The following PCDH11X variants were observed in gnomAD, a reference collection of about 807,000 sequenced individuals.
PCDH11X encodes the protein protocadherin 11 X-linked, also known as protocadherin-11 X-linked.
PCDH11X carries 18 observed loss-of-function variants against 53.3 expected under a neutral mutation model. That is an observed-to-expected ratio of 0.34 (90% confidence interval 0.23 to 0.50). The LOEUF is 0.50. Ranked by LOEUF, PCDH11X falls within the 20% of genes least tolerant of loss-of-function variation. PCDH11X has a pLI of 0.98. For missense variants in PCDH11X, 570 were observed against 1,032.4 expected (o/e 0.55, Z 6.14); for synonymous variants, 279 against 393.3 (o/e 0.71, Z 3.44).
chrX:92,295,716 A>C (rs2068590844), intron 8 of PCDH11X, among the ~76,000 whole-genome samples: 1 of 87,371 alleles, frequency 1.1e-5, no homozygotes, highest in Non-Finnish European at 2.3e-5. Flanking sequence ...CCATAAAAGC[A>C]TGCTGGATTT....
intron 10 of PCDH11X, among the ~76,000 whole-genome samples, chrX:92,550,786 G>T (rs2074940206): frequency 9.1e-6 from 1 of 109,420 alleles, no homozygotes; most frequent in Non-Finnish European, 1.9e-5. Flanking sequence ...CTATTTCCAT[G>T]AGTTCAGTTG....
intron 4 of PCDH11X, chrX:91,835,017 A>G (rs1185940531): frequency 1.4e-6 from 1 of 712,327 alleles, no homozygotes; most frequent in South Asian, 5.2e-5. Context: ...ACTACTGTAT[A>G]AATTATTCAT....
chrX:91,843,149 G>A (rs1937550580), intron 5 of PCDH11X, among the ~76,000 whole-genome samples: 1 of 105,196 alleles, frequency 9.5e-6, no homozygotes, highest in African/African-American at 3.4e-5. Context: ...AAATGTGTTT[G>A]GAAAACAGTC....
chrX:91,899,478 A>G (rs1180533835), intron 6 of PCDH11X, among the ~76,000 whole-genome samples: 2 of 110,958 alleles, frequency 1.8e-5, no homozygotes, highest in Admixed American at 1.9e-4. Flanking sequence ...CACATGCAGG[A>G]ACAATACTTT....
chrX:92,175,049 C>T lies in PCDH11X; in HGVS notation c.3034-26326C>T, dbSNP rs186991654. Among the ~76,000 whole-genome samples, 750 of 110,590 alleles carry T rather than the reference C, an allele frequency of 6.8e-3. 6 individuals are homozygous for T. The highest frequency in any genetic ancestry group is 0.024 in the African/African-American group (728 of 30,457). ...TGAGTGCAGTGGCGCCATCTTGGCT[C>T]GCCACAACCTCTGCCTCCTGGGTTC... On this transcript the variant is annotated intron_variant, in intron 6 of 10. Transcript: ENST00000682573.
intron 5 of PCDH11X, among the ~76,000 whole-genome samples, chrX:91,868,268 CA>C (rs1939098030): frequency 8.9e-6 from 1 of 111,837 alleles, no homozygotes; most frequent in Non-Finnish European, 1.9e-5. Flanking sequence ...TACCCATTTC[CA>C]AAAGAATGTG....
chrX:91,818,012 A>G (rs1936508869), intron 4 of PCDH11X, among the ~76,000 whole-genome samples: 1 of 111,772 alleles, frequency 8.9e-6, no homozygotes, highest in Non-Finnish European at 1.9e-5. Flanking sequence ...TCTATTAAGG[A>G]GTTGGATATC....
chrX:92,400,657 CT>C (rs754569914), intron 9 of PCDH11X, among the ~76,000 whole-genome samples: 230 of 101,817 alleles, frequency 2.3e-3, no homozygotes, highest in African/African-American at 7.8e-3. Context: ...AGTTTTATTT[CT>C]TTTTTTTATC....
intron 6 of PCDH11X, among the ~76,000 whole-genome samples, chrX:92,147,802 T>TCTTC (rs200119243): frequency 3.8e-4 from 32 of 84,715 alleles, no homozygotes; most frequent in Admixed American, 4.9e-4. Context: ...TCCTTTCTTT[T>TCTTC]CTTCCTTCCT....
intron 6 of PCDH11X, among the ~76,000 whole-genome samples, chrX:92,039,867 A>G (rs2063184335): frequency 9.3e-6 from 1 of 107,072 alleles, no homozygotes; most frequent in African/African-American, 3.5e-5. Context: ...CTGAAGTCCC[A>G]CCATGTACTA....
At chrX:92,613,852 T>C (rs1310003328) in intron 10 of PCDH11X, among the ~76,000 whole-genome samples, 1 of 110,354 alleles carries the variant, frequency 9.1e-6, no homozygotes, top group East Asian at 2.8e-4. Flanking sequence ...AATTCTTTTC[T>C]TCTTTATTTT....
chrX:92,185,865 G>A (rs1400560427), intron 6 of PCDH11X, among the ~76,000 whole-genome samples: 1 of 110,782 alleles, frequency 9.0e-6, no homozygotes, highest in Non-Finnish European at 1.9e-5. Context: ...CATAGCAAAT[G>A]CTGGCAAGGA....
rs189466470 is a variant in PCDH11X at position 92,246,890 on chromosome X, A to G, written c.3115-16224A>G. ...AGAAAGAAAGGAGGAATGGAGAGAA[A>G]GAGGATTTTACATGACCTTCAAAAT... On this transcript the variant is annotated intron_variant, in intron 7 of 10. Transcript: ENST00000682573. 2.1e-3 allele frequency among the ~76,000 whole-genome samples: 230 copies of G among 111,960 alleles called. 1 individual carries two copies. Among genetic ancestry groups the G allele is most frequent in the African/African-American group, 7.1e-3 (221 of 30,930 alleles).
chrX:92,527,126 AG>A (rs1569500616), intron 10 of PCDH11X, among the ~76,000 whole-genome samples: 2 of 111,641 alleles, frequency 1.8e-5, no homozygotes, highest in African/African-American at 6.5e-5. Context: ...TGGGAAGGGT[AG>A]CTGGGGTTTG....
chrX:91,991,142 C>T (rs767426107), intron 6 of PCDH11X, among the ~76,000 whole-genome samples: 13 of 105,500 alleles, frequency 1.2e-4, no homozygotes, highest in Non-Finnish European at 2.1e-4. Flanking sequence ...CAACCTGAAG[C>T]GGGGGCTGGG....
chrX:92,399,049 C>T (rs934029790), intron 9 of PCDH11X, among the ~76,000 whole-genome samples: 8 of 108,522 alleles, frequency 7.4e-5, no homozygotes, highest in Non-Finnish European at 1.3e-4. Flanking sequence ...AAAAATTAGC[C>T]GGTCGTGGTG....
At chrX:91,946,655 G>C (rs1470689531) in intron 6 of PCDH11X, among the ~76,000 whole-genome samples, 6 of 90,528 alleles carry the variant, frequency 6.6e-5, no homozygotes, top group Non-Finnish European at 1.3e-4. Flanking sequence ...TTTATGTGAA[G>C]GACGGGTTGA....
At chrX:92,200,882 TCTTTATTTTATTTTA>T (rs1219998572) in intron 6 of PCDH11X, among the ~76,000 whole-genome samples, 5 of 82,744 alleles carry the variant, frequency 6.0e-5, no homozygotes, top group Non-Finnish European at 1.2e-4. Flanking sequence ...TTATTTTTTA[TCTTTATTTTATTTTA>T]TTTTATTTTA....
chrX:91,845,911 CA>C (rs1427385028), intron 5 of PCDH11X, among the ~76,000 whole-genome samples: 3 of 109,983 alleles, frequency 2.7e-5, no homozygotes, highest in African/African-American at 9.9e-5. Context: ...ATCTAATAGA[CA>C]AGACTTCTTA....
Sources: gnomAD v4.1 joint callset for allele counts (sites outside exome capture counted in the v4.1 genomes callset) on GRCh38, gnomAD v4.1.1 for gene constraint, MANE v1.5 for transcripts, NCBI Gene and HGNC (gene_info 2026-07-23, HGNC 2026-07-21) for gene names.